APBA2: variants seen among roughly 807,000 people sequenced by gnomAD.
The protein encoded by APBA2 is amyloid beta precursor protein binding family A member 2, also known as amyloid-beta A4 precursor protein-binding family A member 2.
In APBA2, 30 loss-of-function variants were observed where a neutral mutation model predicts 75.0. The ratio of observed to expected loss-of-function variants is 0.40; its 90% CI spans 0.30 to 0.54. APBA2 has a LOEUF of 0.54. Ranked by LOEUF, APBA2 falls within the 20% of genes least tolerant of loss-of-function variation. The pLI is 0.49. For missense variants in APBA2, 801 were observed against 1,016.1 expected, an observed-to-expected ratio of 0.79 and a Z score of 2.88; for synonymous variants, 444 against 409.6, an observed-to-expected ratio of 1.08 and a Z score of -1.01.
chr15:28,908,017 A>G (rs2033221664), intron 1 of APBA2, among the ~76,000 whole-genome samples: 1 of 152,158 alleles, frequency 6.6e-6, no homozygotes, highest in African/African-American at 2.4e-5. Context: ...ATATCCTCTT[A>G]CGCATTTGCA....
At chr15:28,936,412 C>T (rs1442363176) in intron 2 of APBA2, among the ~76,000 whole-genome samples, 1 of 152,194 alleles carries the variant, frequency 6.6e-6, no homozygotes. Context: ...GCACCCAGGC[C>T]CAGGTCTGTC....
rs1463775534 is a variant in APBA2, at chr15:29,046,007, T to G, written c.-40-7838T>G. The stretch of plus-strand genomic sequence containing the variant: ...AGAAGGAGTATGCAGTTAAAGTAAT[T>G]GGAGATTCTTTGACCAGACGTTTTG... On this transcript the variant is annotated intron_variant, in intron 3 of 14. Coordinates refer to ENST00000683413, the MANE Select transcript of APBA2 (RefSeq NM_001353788.2). The surrounding 1 kb of genome is among the most constrained non-coding windows in gnomAD (Gnocchi z 5.0). Among the ~76,000 whole-genome samples the G allele has an allele frequency of 6.6e-6, 1 of 152,126 alleles. No individual in the cohort carries two copies. Among genetic ancestry groups the G allele is most frequent in the East Asian group, 1.9e-4 (1 of 5,178 alleles).
Position 29,029,732 on chromosome 15 carries a change from G to C in APBA2, c.-40-24113G>C, listed in dbSNP as rs574176732. 9.2e-5 allele frequency among the ~76,000 whole-genome samples: 14 copies of C among 152,282 alleles called. No homozygotes were observed. The South Asian group carries it at 2.9e-3, about 32-fold the overall frequency. ...CCCAGGGAAGGACCAGCTTGTTAGG[G>C]AAGGTGTGGTTCAGCAGTGGAGAGC... On this transcript the variant is annotated intron_variant, in intron 3 of 14. Coordinates refer to ENST00000683413, the MANE Select transcript of APBA2 (RefSeq NM_001353788.2).
rs146523301 is a variant in APBA2, at chr15:28,942,658, C to T, written c.-95+20909C>T. Among the ~76,000 whole-genome samples the T allele has an allele frequency of 4.6e-3, 700 of 152,322 alleles. 11 individuals are homozygous for T. Among genetic ancestry groups the T allele is most frequent in the African/African-American group, 0.016 (669 of 41,574 alleles). On this transcript the variant is annotated intron_variant, in intron 2 of 14. Transcript: ENST00000683413. ...CGCGGGATCCCCCACTTTCCATTTC[C>T]TCTTGCAACCATCAGACCCAGGGAC... is the stretch of plus-strand genomic sequence containing the variant.
intron 3 of APBA2, among the ~76,000 whole-genome samples, chr15:28,998,732 A>T (rs756521840): frequency 7.9e-5 from 12 of 152,250 alleles, no homozygotes; most frequent in Non-Finnish European, 1.6e-4. Context: ...AGGAGGTGGC[A>T]GACGTGTGTT....
intron 4 of APBA2, among the ~76,000 whole-genome samples, chr15:29,065,102 G>A (rs538238438): frequency 8.5e-5 from 13 of 152,204 alleles, no homozygotes; most frequent in Non-Finnish European, 1.5e-4. Context: ...CAGATTGTGG[G>A]GAGTGAGAGC....
chr15:28,972,572 T>C (rs890389589), intron 2 of APBA2, among the ~76,000 whole-genome samples: 1 of 152,214 alleles, frequency 6.6e-6, no homozygotes, highest in Non-Finnish European at 1.5e-5. Context: ...CAATGCACAA[T>C]ACTTTTAAGA....
intron 1 of APBA2, among the ~76,000 whole-genome samples, chr15:28,900,939 G>T (rs1403546042): frequency 6.6e-6 from 1 of 152,062 alleles, no homozygotes; most frequent in Non-Finnish European, 1.5e-5. Context: ...CCCTGGCTGG[G>T]GCTGACCCCT....
At chr15:29,024,794 T>G (rs1178248880) in intron 3 of APBA2, among the ~76,000 whole-genome samples, 1 of 152,178 alleles carries the variant, frequency 6.6e-6, no homozygotes, top group African/African-American at 2.4e-5. Context: ...GACATGTTTA[T>G]TCTGAGACCC....
chr15:29,001,389 T>C (rs1434149847), intron 3 of APBA2, among the ~76,000 whole-genome samples: 1 of 152,074 alleles, frequency 6.6e-6, no homozygotes, highest in African/African-American at 2.4e-5. Context: ...TTTAAAATCT[T>C]TTGTAGAGAG....
chr15:28,972,107 T>C (rs993482142), intron 2 of APBA2, among the ~76,000 whole-genome samples: 8 of 152,166 alleles, frequency 5.3e-5, no homozygotes, highest in Admixed American at 5.2e-4. Context: ...AGATAATCTC[T>C]GAAATTAATA....
intron 3 of APBA2, among the ~76,000 whole-genome samples, chr15:29,012,721 C>A (rs999229130): frequency 6.6e-6 from 1 of 152,168 alleles, no homozygotes; most frequent in African/African-American, 2.4e-5. Flanking sequence ...AGTGGACTCA[C>A]CCCTCTGTGT....
chr15:28,968,188 A>G (rs2036845681), intron 2 of APBA2, among the ~76,000 whole-genome samples: 1 of 152,354 alleles, frequency 6.6e-6, no homozygotes, highest in East Asian at 1.9e-4. Context: ...TTCATCCATG[A>G]TGGACACTTG....
intron 4 of APBA2, among the ~76,000 whole-genome samples, chr15:29,062,021 G>T (rs1251322924): frequency 1.3e-5 from 2 of 152,112 alleles, no homozygotes; most frequent in Non-Finnish European, 2.9e-5. Flanking sequence ...TCTGGGGTTT[G>T]TCTAAACCTG....
At chr15:28,908,552 A>G (rs888016511) in intron 1 of APBA2, among the ~76,000 whole-genome samples, 3 of 151,124 alleles carry the variant, frequency 2.0e-5, no homozygotes, top group African/African-American at 7.3e-5. Flanking sequence ...CTCGTGATCC[A>G]CCCGCCTCCG....
In APBA2 at chr15:28,991,705, T is replaced by C. The variant is rs2038242186; in HGVS notation, c.-94-4048T>C. 6.6e-6 allele frequency among the ~76,000 whole-genome samples: 1 copy of C among 152,188 alleles called. No homozygotes were observed. The highest frequency in any genetic ancestry group is 1.5e-5 in the Non-Finnish European group (1 of 68,040). On this transcript the variant is annotated intron_variant, in intron 2 of 14. Transcript: ENST00000683413. This position sits in a 1 kb window ranked among gnomAD's most constrained non-coding sequence, Gnocchi z 4.7. ...GCGACGCTCTGTCTTTGATGCACCC[T>C]GATGCCTCCCCCATCCTGCTGACCA...
At chr15:28,900,286 T>C (rs1454024568) in intron 1 of APBA2, among the ~76,000 whole-genome samples, 6 of 152,192 alleles carry the variant, frequency 3.9e-5, no homozygotes, top group Non-Finnish European at 7.3e-5. Context: ...TTCTCCCCAG[T>C]GCAAATCACC....
chr15:29,026,952 T>C (rs2040252393), intron 3 of APBA2, among the ~76,000 whole-genome samples: 1 of 152,026 alleles, frequency 6.6e-6, no homozygotes, highest in Admixed American at 6.6e-5. Flanking sequence ...ACCAAATCCT[T>C]ATTTCTCTTC....
intron 2 of APBA2, among the ~76,000 whole-genome samples, chr15:28,969,128 T>TTTTCTTTC (rs138940957): frequency 0.1 from 13,912 of 136,752 alleles, 1,078 homozygotes; most frequent in Non-Finnish European, 0.15. Context: ...TTTCATTTCT[T>TTTTCTTTC]TTTCTTTCTT....
Sources: allele counts gnomAD v4.1 joint callset (sites outside exome capture counted in the v4.1 genomes callset), GRCh38; gene constraint gnomAD v4.1.1; non-coding constraint Gnocchi (gnomAD v3.1); transcripts MANE v1.5; gene names NCBI Gene and HGNC (gene_info 2026-07-23, HGNC 2026-07-21).